ZNF335: variants seen among roughly 807,000 people sequenced by gnomAD.
The protein encoded by ZNF335 is NRC-interacting factor 1.
Under a neutral mutation model 145.6 loss-of-function variants are expected in ZNF335, and 84 were observed. That is an observed-to-expected ratio of 0.58 (90% CI 0.48 to 0.69). The LOEUF (loss-of-function observed/expected upper bound fraction) is 0.69. Among genes scored for constraint, ZNF335 ranks in the 30% least tolerant of loss-of-function variants. The pLI, the probability that ZNF335 is intolerant of heterozygous loss-of-function variation, is 0.00. For synonymous variants in ZNF335, 761 were observed against 717.0 expected (o/e 1.06, Z -0.98); for missense variants, 1,865 against 1,809.7 (o/e 1.03, Z -0.55).
In ZNF335 at chr20:45,949,089, G is replaced by A. The variant is rs1253753278; in HGVS notation, c.3902-9C>T. 1 of 1,613,600 alleles carries A rather than the reference G, an allele frequency of 6.2e-7. No individual in the cohort carries two copies. The highest frequency in any genetic ancestry group is 8.5e-7 in the Non-Finnish European group (1 of 1,180,018). On this transcript the variant is annotated splice_polypyrimidine_tract_variant and intron_variant, in intron 27 of 27. Transcript: ENST00000322927. ...GGCAGCATCAGCCACTGCTGCCAGG[G>A]GAGGGGAAAGTATGGTGAGCTGGAG...
In ZNF335 at chr20:45,949,193, G is replaced by A. The variant is rs1426731507; in HGVS notation, c.3878C>T (p.Ala1293Val). The change falls in exon 27 of 28, where the codon GCT (alanine) becomes GTT (valine). Residue 1293 changes from alanine (A) to valine (V), a missense_variant. Physicochemically the swap from Ala to Val is moderately conservative, Grantham distance 64 (BLOSUM62 0). Transcript: ENST00000322927. ...ACCTGTGACAGCTGAGTGTGCTGCA[G>A]CCTCAAGTTGAGCCTGTGTGACAAG... is the stretch of plus-strand genomic sequence containing the variant. ...QQLVTQAQLE[A>V]AAHSAVTAVA... is the part of the protein sequence containing the mutation. 8 of 1,613,726 alleles carry A rather than the reference G, an allele frequency of 5.0e-6. No homozygotes were observed. The highest frequency in any genetic ancestry group is 1.7e-5 in the Admixed American group (1 of 59,996).
At chr20:45,964,399 A>C (rs1354635150) in intron 7 of ZNF335, 2 of 169,612 alleles carry the variant, frequency 1.2e-5, no homozygotes, top group African/African-American at 4.7e-5. Context: ...AGGCTCGGGA[A>C]GCAATAGGAG....
In ZNF335 at chr20:45,967,641, G is replaced by C; in HGVS notation, c.815-7C>G. 1 of 1,613,794 alleles carries C rather than the reference G, an allele frequency of 6.2e-7. No individual in the cohort carries two copies. The highest frequency in any genetic ancestry group is 8.5e-7 in the Non-Finnish European group (1 of 1,179,928). On this transcript the variant is annotated splice_region_variant and splice_polypyrimidine_tract_variant and intron_variant, in intron 5 of 27. Coordinates refer to ENST00000322927, the MANE Select transcript of ZNF335 (RefSeq NM_022095.4). ...GCTGCTGCGGCTGCTGCTACTGGAA[G>C]TGGAGGGAGGGTAAGACAAGCTTGC... is the stretch of plus-strand genomic sequence containing the variant.
rs761670369 is a variant in ZNF335, at chr20:45,959,420, G to A, written c.2034C>T (p.Phe678=). 8.1e-6 allele frequency: 12 copies of A among 1,475,588 alleles called. No homozygotes were observed. The South Asian group carries it at 1.3e-4, about 17-fold the overall frequency. The allele number at this position is 1,475,588 out of a possible 1,614,324, so 91.4% of individuals were successfully genotyped here. A position where few individuals can be genotyped will look rare whatever the true frequency, so the allele number is the denominator to read the frequency against. The change falls in exon 15 of 28, where the codon TTC becomes TTT. Residue 678 remains phenylalanine (F), a synonymous_variant. Transcript: ENST00000322927. ...TGCTGAAGTGGCAGTACTCACAGGC[G>A]AAGGGCTTGGCCCCTGGAGGCACAT... is the stretch of plus-strand genomic sequence containing the variant. The part of the protein sequence containing the change: ...VAVKHTGAKP[F]ACEYCHFSTR...
At position 45,949,832 on chromosome 20, in the gene ZNF335, T is replaced by C. The variant is rs1215301876; in HGVS notation, c.3637A>G (p.Thr1213Ala). 7 of 1,613,942 alleles carry C rather than the reference T, an allele frequency of 4.3e-6. No homozygotes were observed. The highest frequency in any genetic ancestry group is 5.1e-6 in the Non-Finnish European group (6 of 1,179,986). ...TCGGAGGTCACCAGGTGCTGTACGG[T>C]CTGGCCATCTGCCGTGGTGATCTCT... Reference protein sequence around the residue: ...IQEITTADGQTVQHLVTSDNQ... With the variant: ...IQEITTADGQAVQHLVTSDNQ... The change falls in exon 24 of 28, where the codon ACC becomes GCC. Residue 1213 changes from threonine (T) to alanine (A), a missense_variant. Physicochemically the swap from Thr to Ala is moderately conservative, Grantham distance 58. Coordinates refer to ENST00000322927, the MANE Select transcript of ZNF335 (RefSeq NM_022095.4).
At position 45,967,540 on chromosome 20, in the gene ZNF335, C is replaced by T; in HGVS notation, c.909G>A (p.Glu303=). The T allele has an allele frequency of 6.2e-7, 1 of 1,614,080 alleles. No individual in the cohort carries two copies. Among genetic ancestry groups the T allele is most frequent in the Non-Finnish European group, 8.5e-7 (1 of 1,180,008 alleles). The change falls in exon 6 of 28, where the codon GAG becomes GAA. Residue 303 remains glutamate, a synonymous_variant. Transcript: ENST00000322927. ...KSQEEEGPEE[E]DDDDIVDAGA... Reference sequence around the variant, plus strand: ...CAGCGTCTACAATGTCATCATCGTCCTCCTCCTCTGGTCCCTCTTCCTCTT... The same window carrying T: ...CAGCGTCTACAATGTCATCATCGTCTTCCTCCTCTGGTCCCTCTTCCTCTT...
In ZNF335 at chr20:45,950,316, C is replaced by G. The variant is rs749270241; in HGVS notation, c.3390G>C (p.Gly1130=). 1.3e-6 allele frequency: 2 copies of G among 1,566,950 alleles called. No individual in the cohort carries two copies. The highest frequency in any genetic ancestry group is 2.3e-5 in the East Asian group (1 of 44,438). Residue 1130 remains glycine, a synonymous_variant, in exon 22 of 28, where the codon GGG becomes GGC. Transcript: ENST00000322927. ...FHIQRLHSPD[G]RKSGTPTARA... is the part of the protein sequence containing the mutation. ...GGGCTGTAGGGGTTCCTGACTTCCTCCCATCAGGACTGTGCAGCCGCTGGA... is the reference window on the plus strand; with the variant it reads ...GGGCTGTAGGGGTTCCTGACTTCCTGCCATCAGGACTGTGCAGCCGCTGGA...
In ZNF335 at chr20:45,972,177, C is replaced by CCTCTTT. The variant is rs1568834458; in HGVS notation, c.-112_-107dup. 7.8e-7 allele frequency: 1 copy of CCTCTTT among 1,289,712 alleles called. No individual in the cohort carries two copies. Among genetic ancestry groups the CCTCTTT allele is most frequent in the Admixed American group, 2.3e-5 (1 of 43,530 alleles). 79.9% of individuals were successfully genotyped at this position (1,289,712 alleles called of 1,614,324 possible). A position where few individuals can be genotyped will look rare whatever the true frequency, so the allele number is the denominator to read the frequency against. Reference sequence around the variant, plus strand: ...ACTCCGGCATCGACGAGGTCGCCATCCTCTTTCCTCCGCTGCGGAGGAACC... The same window carrying CCTCTTT: ...ACTCCGGCATCGACGAGGTCGCCATCCTCTTTCTCTTTCCTCCGCTGCGGAGGAACC... On this transcript the variant is annotated 5_prime_UTR_variant, in exon 1 of 28. Coordinates refer to ENST00000322927, the MANE Select transcript of ZNF335 (RefSeq NM_022095.4).
At chr20:45,950,728 A>G in intron 20 of ZNF335, 133 bp from the exon 21 acceptor site, 1 of 1,261,404 alleles carries the variant, frequency 7.9e-7, no homozygotes, top group South Asian at 1.4e-5. Context: ...GTGCACTAAC[A>G]AGAAGCTGGG....
chr20:45,962,944 G>A (rs1298383173), intron 9 of ZNF335, among the ~76,000 whole-genome samples: 2 of 151,820 alleles, frequency 1.3e-5, no homozygotes, highest in Admixed American at 1.3e-4. Flanking sequence ...ATCCCAAGTA[G>A]TTGGGATTAC....
chr20:45,971,975 G>T (rs1429522472), intron 1 of ZNF335, 147 bp downstream of exon 1: 3 of 1,166,726 alleles, frequency 2.6e-6, no homozygotes, highest in South Asian at 1.6e-5. Flanking sequence ...GCTCAGGCAA[G>T]TGCGAGAGCG....
intron 10 of ZNF335, 48 bp downstream of exon 10, chr20:45,962,022 A>AC: frequency 1.4e-5 from 9 of 661,624 alleles, no homozygotes; most frequent in Non-Finnish European, 1.9e-5. Context: ...CCACTTCCCC[A>AC]CCCAACCTGG....
chr20:45,970,990 G>A (rs1373682253), intron 2 of ZNF335, among the ~76,000 whole-genome samples: 2 of 152,090 alleles, frequency 1.3e-5, no homozygotes, highest in South Asian at 2.1e-4. Flanking sequence ...TCTGTACCTC[G>A]GCATCCTTTT....
intron 9 of ZNF335, among the ~76,000 whole-genome samples, chr20:45,962,716 A>C (rs879383244): frequency 6.6e-6 from 1 of 152,088 alleles, no homozygotes; most frequent in Non-Finnish European, 1.5e-5. Context: ...GGCTGCAATA[A>C]GGATTTAATT....
At chr20:45,968,151 C>A in intron 4 of ZNF335, 124 bp from the exon 5 acceptor site, 1 of 1,505,140 alleles carries the variant, frequency 6.6e-7, no homozygotes, top group Non-Finnish European at 9.1e-7. Flanking sequence ...GAGGCCAACC[C>A]GTCAGTAGGA....
rs10577924 is a variant in ZNF335, at chr20:45,954,770, C to CT, written c.2443-823dup. 1.6e-3 allele frequency among the ~76,000 whole-genome samples: 142 copies of CT among 90,068 alleles called. 1 individual carries two copies. The highest frequency in any genetic ancestry group is 3.7e-3 in the East Asian group (11 of 2,996). The allele number at this position is 90,068 out of a possible 152,430, so 59.1% of individuals were successfully genotyped here. A position where few individuals can be genotyped will look rare whatever the true frequency, so the allele number is the denominator to read the frequency against. On this transcript the variant is annotated intron_variant, in intron 17 of 27. Transcript: ENST00000322927. ...AACCTCATTTACGGTCATACAATTA[C>CT]TTTTTTTTTTTTTTTTTTTTTTTGA... is the stretch of plus-strand genomic sequence containing the variant.
chr20:45,949,315 G>A lies in ZNF335; in HGVS notation c.3819+18C>T, dbSNP rs767155037. Reference sequence around the variant, plus strand: ...ACCTGCCTGTGCCCCAGGTCTCCCTGTCCCCCCACGGCCCTACCTGGGACT... The same window carrying A: ...ACCTGCCTGTGCCCCAGGTCTCCCTATCCCCCCACGGCCCTACCTGGGACT... On this transcript the variant is annotated intron_variant, in intron 26 of 27. Coordinates refer to ENST00000322927, the MANE Select transcript of ZNF335 (RefSeq NM_022095.4). 1.2e-6 allele frequency: 2 copies of A among 1,614,062 alleles called. No homozygotes were observed. The highest frequency in any genetic ancestry group is 1.7e-6 in the Non-Finnish European group (2 of 1,180,024).
intron 5 of ZNF335, 41 bp from the exon 6 acceptor site, chr20:45,967,675 G>A: frequency 1.2e-6 from 2 of 1,610,878 alleles, no homozygotes; most frequent in Non-Finnish European, 1.7e-6. Context: ...GCCATGTCTG[G>A]CTCCCAGCAC....
In ZNF335 at chr20:45,957,662, G is replaced by A. The variant is rs147367570; in HGVS notation, c.2366C>T (p.Ala789Val). The A allele has an allele frequency of 3.5e-5, 56 of 1,614,140 alleles. No individual in the cohort carries two copies. In the Admixed American group the frequency reaches 4.3e-4, roughly 12 times the overall value. Residue 789 changes from alanine (A) to valine (V), a missense_variant, in exon 17 of 28, where the codon GCG (alanine) becomes GTG (valine). Transcript: ENST00000322927. ...IYQQGAEEST[A>V]MATQTALDLL... The stretch of plus-strand genomic sequence containing the variant: ...ATCCAAGGCTGTCTGCGTGGCCATC[G>A]CTGTCGACTCCTCAGCTCCTGGGTG...
Sources: gnomAD v4.1 joint callset for allele counts (sites outside exome capture counted in the v4.1 genomes callset) on GRCh38, gnomAD v4.1.1 for gene constraint, MANE v1.5 for transcripts, NCBI Gene and HGNC (gene_info 2026-07-23, HGNC 2026-07-21) for gene names.